Variants in ITGA4 observed in about 807,000 individuals in gnomAD.
ITGA4 encodes the protein integrin subunit alpha 4, also known as integrin alpha-4.
A neutral mutation model predicts 133.6 loss-of-function variants in ITGA4; 63 were observed. The observed-to-expected ratio is 0.47, with a 90% confidence interval of 0.38 to 0.58. The LOEUF (loss-of-function observed/expected upper bound fraction) is 0.58, where lower values mean the gene tolerates loss of function less well. ITGA4 is among the 20% of genes least tolerant of loss of function. The pLI is 0.00. For missense variants in ITGA4, 1,076 were observed against 1,252.7 expected (o/e 0.86, Z 2.13); for synonymous variants, 483 against 438.0 (o/e 1.10, Z -1.28).
At chr2:181,510,270 A>G (rs1425106619) in intron 16 of ITGA4, among the ~76,000 whole-genome samples, 2 of 152,082 alleles carry the variant, frequency 1.3e-5, no homozygotes, top group Non-Finnish European at 2.9e-5. Context: ...ACATGTATTT[A>G]TGTTATACAA....
intron 25 of ITGA4, 44 bp downstream of exon 25, chr2:181,531,820 A>C (rs201966493): frequency 7.0e-7 from 1 of 1,419,986 alleles, no homozygotes; most frequent in African/African-American, 1.5e-5. Context: ...CTAAGTTTAC[A>C]TAAAATCTAT....
intron 15 of ITGA4, chr2:181,499,002 A>C: frequency 1.7e-5 from 8 of 475,584 alleles, no homozygotes; most frequent in Non-Finnish European, 2.2e-5. Context: ...ATTTGACCTC[A>C]TCATTTGAAA....
chr2:181,482,528 T>A lies in ITGA4; in HGVS notation c.918T>A (p.Phe306Leu). 1 of 1,613,890 alleles carries A rather than the reference T, an allele frequency of 6.2e-7. No homozygotes were observed. Among genetic ancestry groups the A allele is most frequent in the Non-Finnish European group, 8.5e-7 (1 of 1,179,810 alleles). Residue 306 changes from phenylalanine (F) to leucine (L), a missense_variant, in exon 9 of 28, where the codon TTT becomes TTA. Phe to Leu is a conservative substitution (Grantham distance 22, BLOSUM62 0). This residue lies in a region of ITGA4 where 436 missense variants were observed against 590.7 expected (regional missense o/e 0.74). Coordinates refer to ENST00000397033, the MANE Select transcript of ITGA4 (RefSeq NM_000885.6). ...TTTTGGGACAGCTTGGATCGTACTT[T>A]GGAGCTTCTGTCTGTGCTGTGGACC... ...EMKGKKLGSYFGASVCAVDLN... is the reference protein window; with the variant it reads ...EMKGKKLGSYLGASVCAVDLN...
chr2:181,492,787 T>G (rs1342937237), intron 10 of ITGA4, among the ~76,000 whole-genome samples: 1 of 152,212 alleles, frequency 6.6e-6, no homozygotes, highest in Non-Finnish European at 1.5e-5. Context: ...CTTAATCATT[T>G]TCATTGGAAT....
chr2:181,498,941 C>A (rs1411529275), intron 15 of ITGA4, 164 bp downstream of exon 15: 1 of 937,394 alleles, frequency 1.1e-6, no homozygotes. Context: ...CAATCTCAAC[C>A]CAAGTAATTC....
chr2:181,506,861 G>A (rs1686405344), intron 15 of ITGA4, among the ~76,000 whole-genome samples: 1 of 151,998 alleles, frequency 6.6e-6, no homozygotes, highest in African/African-American at 2.4e-5. Context: ...ATAGAAACCT[G>A]GTCCACTGAC....
At position 181,537,537 on chromosome 2, in the gene ITGA4, G is replaced by C. The variant is rs531937916; in HGVS notation, c.*2010G>C. On this transcript the variant is annotated 3_prime_UTR_variant, in exon 28 of 28. Transcript: ENST00000397033. ...AACTATGTGATTTTGAAATTTAACT[G>C]CTCTGGATTAGGGAGCAGTGAATCA... The C allele has an allele frequency of 3.6e-5, 16 of 448,124 alleles. No homozygotes were observed. Among genetic ancestry groups the C allele is most frequent in the African/African-American group, 2.8e-4 (14 of 49,838 alleles). 27.8% of individuals were successfully genotyped at this position (448,124 alleles called of 1,614,324 possible). A position where few individuals can be genotyped will look rare whatever the true frequency, so the allele number is the denominator to read the frequency against.
At chr2:181,496,934 A>G (rs1686169405) in intron 14 of ITGA4, among the ~76,000 whole-genome samples, 1 of 152,176 alleles carries the variant, frequency 6.6e-6, no homozygotes, top group South Asian at 2.1e-4. Flanking sequence ...AGGTCTTAGT[A>G]TGCATTAGGT....
Position 181,524,181 on chromosome 2 carries a change from G to T in ITGA4, c.2180G>T (p.Ser727Ile). Residue 727 changes from serine (S) to isoleucine (I), a missense_variant, in exon 20 of 28, where the codon AGC becomes ATC. Coordinates refer to ENST00000397033, the MANE Select transcript of ITGA4 (RefSeq NM_000885.6). ...YVDHLSRIDI[S>I]FLLDVSSLSR... Reference sequence around the variant, plus strand: ...GTCTGTGTTTTACAGATAGATATTAGCTTTCTCCTGGATGTGAGCTCACTC... The same window carrying T: ...GTCTGTGTTTTACAGATAGATATTATCTTTCTCCTGGATGTGAGCTCACTC... 1 of 1,601,648 alleles carries T rather than the reference G, an allele frequency of 6.2e-7. No homozygotes were observed. The highest frequency in any genetic ancestry group is 2.3e-5 in the East Asian group (1 of 44,286).
chr2:181,469,322 T>G (rs1685492140), intron 2 of ITGA4, among the ~76,000 whole-genome samples: 1 of 152,176 alleles, frequency 6.6e-6, no homozygotes, highest in Non-Finnish European at 1.5e-5. Flanking sequence ...TGTTAATACA[T>G]CAAGCTTGTC....
At position 181,474,864 on chromosome 2, in the gene ITGA4, A is replaced by C; in HGVS notation, c.320-96A>C. 7.7e-6 allele frequency: 6 copies of C among 775,536 alleles called. 1 individual carries two copies. The highest frequency in any genetic ancestry group is 1.3e-5 in the Non-Finnish European group (6 of 464,798). The allele number at this position is 775,536 out of a possible 1,614,324, so 48.0% of individuals were successfully genotyped here. A position where few individuals can be genotyped will look rare whatever the true frequency, so the allele number is the denominator to read the frequency against. On this transcript the variant is annotated intron_variant, in intron 2 of 27. Coordinates refer to ENST00000397033, the MANE Select transcript of ITGA4 (RefSeq NM_000885.6). ...TGCACTGAATATAAGATAGAGAAGTAGTTAACAGAAAAATACTGGGGATGA... is the reference window on the plus strand; with the variant it reads ...TGCACTGAATATAAGATAGAGAAGTCGTTAACAGAAAAATACTGGGGATGA...
chr2:181,509,544 G>A (rs182969122), intron 15 of ITGA4, 114 bp from the exon 16 acceptor site: 1 of 595,562 alleles, frequency 1.7e-6, no homozygotes, highest in East Asian at 3.2e-5. Flanking sequence ...TAAAAGATAA[G>A]TATTTGCTTT....
At position 181,537,887 on chromosome 2, in the gene ITGA4, A is replaced by T. The variant is rs1252670768; in HGVS notation, c.*2360A>T. ...ACACAGCAGGAGGTTAGAGCAATGG[A>T]GCATTACTGAGTTCCTCCCCCTGTC... On this transcript the variant is annotated 3_prime_UTR_variant, in exon 28 of 28. Coordinates refer to ENST00000397033, the MANE Select transcript of ITGA4 (RefSeq NM_000885.6). 5.5e-6 allele frequency: 3 copies of T among 548,370 alleles called. No individual in the cohort carries two copies. The highest frequency in any genetic ancestry group is 1.0e-5 in the Non-Finnish European group (3 of 287,828). 34.0% of individuals were successfully genotyped at this position (548,370 alleles called of 1,614,324 possible).
In ITGA4 at chr2:181,457,642, C is replaced by A; in HGVS notation, c.-13C>A. Reference sequence around the variant, plus strand: ...GTGGCCGTTTAGTGTTGAATGTTCCCCACCGAGAGCGCATGGCTTGGGAAG... The same window carrying A: ...GTGGCCGTTTAGTGTTGAATGTTCCACACCGAGAGCGCATGGCTTGGGAAG... On this transcript the variant is annotated 5_prime_UTR_variant, in exon 1 of 28. Transcript: ENST00000397033. 1 of 1,606,310 alleles carries A rather than the reference C, an allele frequency of 6.2e-7. No homozygotes were observed. The highest frequency in any genetic ancestry group is 8.5e-7 in the Non-Finnish European group (1 of 1,178,004).
At chr2:181,486,931 C>T (rs1057433018) in intron 10 of ITGA4, among the ~76,000 whole-genome samples, 2 of 152,118 alleles carry the variant, frequency 1.3e-5, no homozygotes, top group African/African-American at 2.4e-5. Flanking sequence ...TATAAATTCT[C>T]ATCTCCTTAA....
At chr2:181,488,698 A>G (rs1302339888) in intron 10 of ITGA4, among the ~76,000 whole-genome samples, 2 of 151,934 alleles carry the variant, frequency 1.3e-5, no homozygotes, top group African/African-American at 4.8e-5. Context: ...AGCTGGGACT[A>G]CAGGCACCCG....
chr2:181,476,348 A>G (rs1685675958), intron 4 of ITGA4: 1 of 152,244 alleles, frequency 6.6e-6, no homozygotes, highest in African/African-American at 2.4e-5. Flanking sequence ...CATAAACCTA[A>G]CCCATCTACA....
intron 20 of ITGA4, 167 bp downstream of exon 20, chr2:181,524,417 C>T: frequency 2.0e-6 from 1 of 499,922 alleles, no homozygotes; most frequent in Non-Finnish European, 3.5e-6. Flanking sequence ...GAGTTACTGG[C>T]AATGTTTTAG....
Position 181,475,153 on chromosome 2 carries a change from A to G in ITGA4, c.427-6A>G. 6.2e-7 allele frequency: 1 copy of G among 1,613,534 alleles called. No homozygotes were observed. The highest frequency in any genetic ancestry group is 8.5e-7 in the Non-Finnish European group (1 of 1,179,754). ...ACATCATTTGGTCTACTTTTATTTTATTCAGACTTGTGGGCATAGATGGAA... is the reference window on the plus strand; with the variant it reads ...ACATCATTTGGTCTACTTTTATTTTGTTCAGACTTGTGGGCATAGATGGAA... On this transcript the variant is annotated splice_region_variant and splice_polypyrimidine_tract_variant and intron_variant, in intron 3 of 27. Transcript: ENST00000397033.
Sources: gnomAD v4.1 joint callset for allele counts (sites outside exome capture counted in the v4.1 genomes callset) on GRCh38, gnomAD v4.1.1 for gene constraint, gnomAD v4.1.1 regional missense constraint, MANE v1.5 for transcripts, NCBI Gene and HGNC (gene_info 2026-07-23, HGNC 2026-07-21) for gene names.